PAPOLA: variants seen among roughly 807,000 people sequenced by gnomAD.
The protein encoded by PAPOLA is poly(A) polymerase alpha, also known as polynucleotide adenylyltransferase alpha.
A neutral mutation model predicts 100.6 loss-of-function variants in PAPOLA; 15 were observed. The ratio of observed to expected loss-of-function variants is 0.15; its 90% CI spans 0.10 to 0.23. PAPOLA has a LOEUF of 0.23. Among genes scored for constraint, PAPOLA ranks in the 10% least tolerant of loss-of-function variants. The probability of loss-of-function intolerance (pLI) is 1.00; values close to 1 mark genes in which losing one functional copy is unlikely to be tolerated. For missense variants in PAPOLA, 533 were observed against 884.2 expected (o/e 0.60, Z 5.04); for synonymous variants, 293 against 300.0 (o/e 0.98, Z 0.24).
intron 15 of PAPOLA, among the ~76,000 whole-genome samples, chr14:96,545,108 G>C (rs1900285463): frequency 6.6e-6 from 1 of 151,994 alleles, no homozygotes. Flanking sequence ...TAAAACAAAT[G>C]TAGTAAGTGG....
At chr14:96,523,278 TA>T (rs1898156594) in intron 3 of PAPOLA, among the ~76,000 whole-genome samples, 1 of 152,210 alleles carries the variant, frequency 6.6e-6, no homozygotes, top group Non-Finnish European at 1.5e-5. Flanking sequence ...ATAAACATAC[TA>T]ATATCTAAAA....
At chr14:96,564,642 G>A (rs976197007) in intron 21 of PAPOLA, among the ~76,000 whole-genome samples, 1 of 152,002 alleles carries the variant, frequency 6.6e-6, no homozygotes, top group African/African-American at 2.4e-5. Flanking sequence ...ATACAGTTTA[G>A]CAGTAACTTA....
chr14:96,567,111 A>G lies in PAPOLA; in HGVS notation c.*2061A>G, dbSNP rs1020548352. On this transcript the variant is annotated 3_prime_UTR_variant, in exon 22 of 22. Coordinates refer to ENST00000216277, the MANE Select transcript of PAPOLA (RefSeq NM_032632.5). ...AACACAATAAAAAAAAAACAGCACAATCTCACAGTTGCCTGATTTCTTTTG... is the reference window on the plus strand; with the variant it reads ...AACACAATAAAAAAAAAACAGCACAGTCTCACAGTTGCCTGATTTCTTTTG... 1 of 152,578 alleles carries G rather than the reference A, an allele frequency of 6.6e-6. No homozygotes were observed. Among genetic ancestry groups the G allele is most frequent in the Non-Finnish European group, 1.5e-5 (1 of 68,006 alleles). The allele number at this position is 152,578 out of a possible 1,614,324, so 9.5% of individuals were successfully genotyped here.
At chr14:96,503,205 G>C (rs1441895351) in intron 1 of PAPOLA, among the ~76,000 whole-genome samples, 1 of 152,180 alleles carries the variant, frequency 6.6e-6, no homozygotes, top group African/African-American at 2.4e-5. Flanking sequence ...CTCCACCTCC[G>C]CCTCCCTAGC....
At chr14:96,548,302 A>G (rs1482146031) in intron 16 of PAPOLA, among the ~76,000 whole-genome samples, 1 of 152,178 alleles carries the variant, frequency 6.6e-6, no homozygotes, top group Non-Finnish European at 1.5e-5. Flanking sequence ...GAGACTTTTA[A>G]AAAATGAAAG....
intron 1 of PAPOLA, among the ~76,000 whole-genome samples, chr14:96,519,385 A>G (rs1290747135): frequency 6.6e-6 from 1 of 152,190 alleles, no homozygotes; most frequent in Non-Finnish European, 1.5e-5. Flanking sequence ...TTTATGAAAA[A>G]AGATTGAGTC....
intron 1 of PAPOLA, among the ~76,000 whole-genome samples, chr14:96,519,140 G>A (rs942164285): frequency 1.1e-4 from 17 of 151,412 alleles, no homozygotes; most frequent in Admixed American, 3.3e-4. Flanking sequence ...TGTTATCCAG[G>A]CTGGCCTCAA....
intron 17 of PAPOLA, among the ~76,000 whole-genome samples, chr14:96,554,362 A>G (rs547037733): frequency 6.6e-6 from 1 of 152,262 alleles, no homozygotes; most frequent in African/African-American, 2.4e-5. Flanking sequence ...GGGCTCTCTC[A>G]TTATTCTTTT....
chr14:96,564,414 G>C (rs917303879), intron 21 of PAPOLA, among the ~76,000 whole-genome samples: 2 of 152,024 alleles, frequency 1.3e-5, no homozygotes, highest in African/African-American at 4.8e-5. Flanking sequence ...TAGTGTTAAA[G>C]AACGCTTGTG....
intron 6 of PAPOLA, among the ~76,000 whole-genome samples, chr14:96,528,345 T>C (rs2274795): frequency 0.26 from 39,278 of 152,128 alleles, 5,581 homozygotes; most frequent in African/African-American, 0.39. Flanking sequence ...TTGCAAGTAA[T>C]GCTTTGCTTT....
rs781072399 is a variant in PAPOLA, at chr14:96,536,019, C to T, written c.1030+20C>T. On this transcript the variant is annotated intron_variant, in intron 11 of 21. Coordinates refer to ENST00000216277, the MANE Select transcript of PAPOLA (RefSeq NM_032632.5). ...AACAAGGTAAGTGTTTATCCTTATG[C>T]TCTGATTTATACAGGAAGGATTTAC... 1 of 1,562,432 alleles carries T rather than the reference C, an allele frequency of 6.4e-7. No individual in the cohort carries two copies. Among genetic ancestry groups the T allele is most frequent in the Non-Finnish European group, 8.7e-7 (1 of 1,152,780 alleles).
intron 16 of PAPOLA, among the ~76,000 whole-genome samples, chr14:96,550,812 A>G (rs1001473874): frequency 5.9e-5 from 9 of 152,236 alleles, no homozygotes; most frequent in Non-Finnish European, 1.3e-4. Context: ...ACAAGTGTCT[A>G]GGAGTCAAGA....
intron 3 of PAPOLA, 47 bp downstream of exon 3, chr14:96,521,119 T>C: frequency 2.3e-6 from 2 of 865,004 alleles, no homozygotes. Flanking sequence ...TATAGCCAAC[T>C]GAACACAGCA....
At chr14:96,511,953 G>A (rs1313931521) in intron 1 of PAPOLA, among the ~76,000 whole-genome samples, 2 of 152,114 alleles carry the variant, frequency 1.3e-5, no homozygotes, top group East Asian at 3.8e-4. Flanking sequence ...ACAAAATAGT[G>A]TTTTAATTAG....
chr14:96,557,368 C>G (rs1461589582), intron 19 of PAPOLA, among the ~76,000 whole-genome samples: 1 of 152,222 alleles, frequency 6.6e-6, no homozygotes, highest in Non-Finnish European at 1.5e-5. Flanking sequence ...ACCTTTTATA[C>G]TACCTGGTTT....
intron 1 of PAPOLA, among the ~76,000 whole-genome samples, chr14:96,518,758 TAAA>T (rs200255260): frequency 6.6e-6 from 1 of 151,494 alleles, no homozygotes; most frequent in Non-Finnish European, 1.5e-5. Flanking sequence ...TAGAACTTGG[TAAA>T]AAAAAGTAGC....
At chr14:96,549,847 A>G (rs1900693649) in intron 16 of PAPOLA, among the ~76,000 whole-genome samples, 1 of 152,222 alleles carries the variant, frequency 6.6e-6, no homozygotes, top group Non-Finnish European at 1.5e-5. Context: ...AATTTATCAC[A>G]TACAGAAAAT....
intron 9 of PAPOLA, chr14:96,533,697 A>G (rs1899268158): frequency 9.4e-6 from 3 of 318,212 alleles, no homozygotes; most frequent in Non-Finnish European, 1.4e-5. Flanking sequence ...TGGGACTACA[A>G]GCGCCTGCCA....
chr14:96,537,165 TTTC>T, intron 12 of PAPOLA, 105 bp downstream of exon 12: 2 of 722,524 alleles, frequency 2.8e-6, no homozygotes, highest in South Asian at 3.3e-5. Flanking sequence ...TTGGAAGAAT[TTTC>T]TTTCCTGTCA....
Sources: gnomAD v4.1 joint callset for allele counts (sites outside exome capture counted in the v4.1 genomes callset) on GRCh38, gnomAD v4.1.1 for gene constraint, MANE v1.5 for transcripts, NCBI Gene and HGNC (gene_info 2026-07-23, HGNC 2026-07-21) for gene names.